PAX1: variants seen among roughly 807,000 people sequenced by gnomAD.
The protein encoded by PAX1 is paired box 1, also known as paired box protein Pax-1.
PAX1 carries 18 observed loss-of-function variants against 35.6 expected under a neutral mutation model. That is an observed-to-expected ratio of 0.50 (90% CI 0.35 to 0.75). The LOEUF (loss-of-function observed/expected upper bound fraction) is 0.75, where lower values mean the gene tolerates loss of function less well. Among genes scored for constraint, PAX1 ranks in the 30% least tolerant of loss-of-function variants. PAX1 has a pLI of 0.01. For missense variants in PAX1, 760 were observed against 661.5 expected (o/e 1.15, Z -1.63); for synonymous variants, 397 against 305.2 (o/e 1.30, Z -3.14).
Position 21,711,931 on chromosome 20 carries a change from C to A in PAX1, c.1282+2487C>A, listed in dbSNP as rs1985209625. Among the ~76,000 whole-genome samples the A allele has an allele frequency of 1.3e-5, 2 of 152,034 alleles. 1 individual carries two copies. The highest frequency in any genetic ancestry group is 4.1e-4 in the South Asian group (2 of 4,824). Reference sequence around the variant, plus strand: ...ATTAATATCTTCAAAGAAACCTGTCCCAGAGGACAATTTACTATCAGCAAT... The same window carrying A: ...ATTAATATCTTCAAAGAAACCTGTCACAGAGGACAATTTACTATCAGCAAT... On this transcript the variant is annotated intron_variant, in intron 4 of 4. Coordinates refer to ENST00000613128, the MANE Select transcript of PAX1 (RefSeq NM_001257096.2).
intron 4 of PAX1, among the ~76,000 whole-genome samples, chr20:21,710,485 G>A (rs563273768): frequency 6.6e-6 from 1 of 152,314 alleles, no homozygotes; most frequent in Non-Finnish European, 1.5e-5. Flanking sequence ...ACAAACCTGG[G>A]GGACAGCGTG....
chr20:21,710,686 G>T (rs1286301118), intron 4 of PAX1, among the ~76,000 whole-genome samples: 1 of 151,634 alleles, frequency 6.6e-6, no homozygotes, highest in East Asian at 1.9e-4. Context: ...CATGCCCTGG[G>T]GAGTGGGGGT....
chr20:21,712,366 G>A (rs1319194327), intron 4 of PAX1, among the ~76,000 whole-genome samples: 1 of 152,050 alleles, frequency 6.6e-6, no homozygotes, highest in Admixed American at 6.5e-5. Context: ...TTAATTTTTG[G>A]GAATTGAGAA....
At chr20:21,713,621 G>A (rs781087124) in intron 4 of PAX1, among the ~76,000 whole-genome samples, 2 of 152,184 alleles carry the variant, frequency 1.3e-5, no homozygotes, top group Non-Finnish European at 2.9e-5. Context: ...GGATCCTAGT[G>A]TAGGAGAAGC....
At chr20:21,711,821 CT>C (rs1267712412) in intron 4 of PAX1, among the ~76,000 whole-genome samples, 2 of 152,178 alleles carry the variant, frequency 1.3e-5, no homozygotes, top group African/African-American at 4.8e-5. Context: ...CTTCAAAGAT[CT>C]ATTCCCTCAA....
intron 3 of PAX1, 73 bp from the exon 4 acceptor site, chr20:21,709,149 C>CG: frequency 8.6e-7 from 1 of 1,161,234 alleles, no homozygotes; most frequent in Non-Finnish European, 1.3e-6. Flanking sequence ...GACGAAAACC[C>CG]CCGTCTCAGT....
Position 21,705,765 on chromosome 20 carries a change from G to A in PAX1, c.53G>A (p.Gly18Glu). The change falls in exon 1 of 5, where the codon GGG becomes GAG. Residue 18 changes from glycine to glutamate, a missense_variant. Physicochemically the swap from Gly to Glu is moderately conservative, Grantham distance 98. Coordinates refer to ENST00000613128, the MANE Select transcript of PAX1 (RefSeq NM_001257096.2). ...GSRAWRVSWEGAAAAAAGPGA... is the reference protein window; with the variant it reads ...GSRAWRVSWEEAAAAAAGPGA... Reference sequence around the variant, plus strand: ...CGGGCGTGGAGAGTGTCCTGGGAGGGGGCAGCAGCGGCGGCGGCAGGCCCT... The same window carrying A: ...CGGGCGTGGAGAGTGTCCTGGGAGGAGGCAGCAGCGGCGGCGGCAGGCCCT... The A allele has an allele frequency of 4.0e-6, 5 of 1,263,414 alleles. No homozygotes were observed. The highest frequency in any genetic ancestry group is 5.0e-6 in the Non-Finnish European group (5 of 1,003,540). The allele number at this position is 1,263,414 out of a possible 1,614,324, so 78.3% of individuals were successfully genotyped here.
chr20:21,706,280 C>A lies in PAX1; in HGVS notation c.287-158C>A. ...CGCCCTTGCCCACTCCAAGCCAGAC[C>A]CAGGCGGTTTGCCCTTGGACTCCGA... is the stretch of plus-strand genomic sequence containing the variant. On this transcript the variant is annotated intron_variant, in intron 1 of 4. Transcript: ENST00000613128. The surrounding 1 kb of genome is among the most constrained non-coding windows in gnomAD (Gnocchi z 5.3). 1 of 1,007,466 alleles carries A rather than the reference C, an allele frequency of 9.9e-7. No homozygotes were observed. Among genetic ancestry groups the A allele is most frequent in the African/African-American group, 1.6e-5 (1 of 63,052 alleles). The allele number at this position is 1,007,466 out of a possible 1,614,324, so 62.4% of individuals were successfully genotyped here.
chr20:21,708,449 T>G, intron 2 of PAX1, 109 bp from the exon 3 acceptor site: 1 of 1,313,000 alleles, frequency 7.6e-7, no homozygotes, highest in South Asian at 1.2e-5. Flanking sequence ...CACCTACAAA[T>G]TTTGTGGGAC....
rs1294317946 is a variant in PAX1 at position 21,714,467 on chromosome 20, G to T, written c.1283-4G>T. On this transcript the variant is annotated splice_polypyrimidine_tract_variant and splice_region_variant and intron_variant, in intron 4 of 4. Transcript: ENST00000613128. ...ATCCGACGCCTCTGTGCTTCCTCCC[G>T]CAGTGGCTGACAGGAAGCCTCCCAG... is the stretch of plus-strand genomic sequence containing the variant. 1.9e-6 allele frequency: 3 copies of T among 1,564,370 alleles called. No homozygotes were observed. The highest frequency in any genetic ancestry group is 3.7e-5 in the Admixed American group (2 of 53,970).
In PAX1 at chr20:21,709,298, A is replaced by C. The variant is rs1985118233; in HGVS notation, c.1136A>C (p.Tyr379Ser). ...AYPASNQHGV[Y>S]SAPGGGYLAP... The stretch of plus-strand genomic sequence containing the variant: ...CCGGCCTCCAACCAGCACGGCGTGT[A>C]CAGCGCCCCGGGCGGCGGCTACCTC... The change falls in exon 4 of 5, where the codon TAC becomes TCC. Residue 379 changes from tyrosine to serine, a missense_variant. Around this residue, in one of 3 missense-constraint regions of PAX1, gnomAD observed 490 missense variants for 428.4 expected, o/e 1.14. Transcript: ENST00000613128. 6.2e-7 allele frequency: 1 copy of C among 1,603,010 alleles called. No individual in the cohort carries two copies.
At position 21,715,375 on chromosome 20, in the gene PAX1, A is replaced by G. The variant is rs1297768856; in HGVS notation, c.*813A>G. The G allele has an allele frequency of 6.5e-6, 1 of 153,532 alleles. No homozygotes were observed. Among genetic ancestry groups the G allele is most frequent in the Non-Finnish European group, 1.4e-5 (1 of 69,194 alleles). 9.5% of individuals were successfully genotyped at this position (153,532 alleles called of 1,614,324 possible). On this transcript the variant is annotated 3_prime_UTR_variant, in exon 5 of 5. Coordinates refer to ENST00000613128, the MANE Select transcript of PAX1 (RefSeq NM_001257096.2). ...AGCCTTTATTTTGTATTTTTTTTGT[A>G]ATAACAAACCCTAAAAAACCCTCCA...
intron 2 of PAX1, 168 bp from the exon 3 acceptor site, chr20:21,708,390 G>A (rs1985083479): frequency 3.7e-6 from 3 of 816,920 alleles, no homozygotes; most frequent in African/African-American, 1.7e-5. Flanking sequence ...CGCCCCACCC[G>A]GAGTGGTGAA....
chr20:21,706,941 G>A lies in PAX1; in HGVS notation c.790G>A (p.Gly264Ser), dbSNP rs760196253. The change falls in exon 2 of 5, where the codon GGC becomes AGC. Residue 264 changes from glycine to serine, a missense_variant. Gly to Ser is a moderately conservative substitution (Grantham distance 56). Coordinates refer to ENST00000613128, the MANE Select transcript of PAX1 (RefSeq NM_001257096.2). This position sits in a 1 kb window ranked among gnomAD's most constrained non-coding sequence, Gnocchi z 5.3. ...CTACCCCAGTCCCGTGTCGCCCACG[G>A]GCGCCAAGATGGGCAGCCACCCCGG... ...YPYPSPVSPT[G>S]AKMGSHPGVP... 1 of 1,612,506 alleles carries A rather than the reference G, an allele frequency of 6.2e-7. No homozygotes were observed. The highest frequency in any genetic ancestry group is 1.7e-5 in the Admixed American group (1 of 59,988).
chr20:21,712,040 A>G (rs1350286928), intron 4 of PAX1, among the ~76,000 whole-genome samples: 1 of 152,202 alleles, frequency 6.6e-6, no homozygotes, highest in Non-Finnish European at 1.5e-5. Context: ...ATGAAAAGCA[A>G]TTTAATACAA....
Position 21,717,875 on chromosome 20 carries a change from A to C in PAX1, c.*3313A>C, listed in dbSNP as rs1296703082. On this transcript the variant is annotated 3_prime_UTR_variant, in exon 5 of 5. Transcript: ENST00000613128. The stretch of plus-strand genomic sequence containing the variant: ...TCTTCCTGCTCTCATTTTTGTTCTT[A>C]AAGGTGAATGCTGTTATAGTCTTTT... The C allele has an allele frequency of 6.6e-6, 1 of 152,198 alleles. No homozygotes were observed. 9.4% of individuals were successfully genotyped at this position (152,198 alleles called of 1,614,324 possible).
rs761345173 is a variant in PAX1, at chr20:21,709,380, C to T, written c.1218C>T (p.Ala406=). ...GTCCTCCTCTGGCGCCCCCCGGGGCCGGCGTAGCTGTGCATGGCGGGGAAC... is the reference window on the plus strand; with the variant it reads ...GTCCTCCTCTGGCGCCCCCCGGGGCTGGCGTAGCTGTGCATGGCGGGGAAC... ...AQGPPLAPPG[A]GVAVHGGELA... is the part of the protein sequence containing the mutation. Residue 406 remains alanine (A), a synonymous_variant, in exon 4 of 5, where the codon GCC becomes GCT. Transcript: ENST00000613128. The T allele has an allele frequency of 4.5e-6, 7 of 1,564,342 alleles. No homozygotes were observed. The highest frequency in any genetic ancestry group is 5.2e-6 in the Non-Finnish European group (6 of 1,159,094).
At position 21,706,718 on chromosome 20, in the gene PAX1, T is replaced by C; in HGVS notation, c.567T>C (p.Pro189=). 1 of 1,613,642 alleles carries C rather than the reference T, an allele frequency of 6.2e-7. No individual in the cohort carries two copies. The highest frequency in any genetic ancestry group is 8.5e-7 in the Non-Finnish European group (1 of 1,180,034). The stretch of plus-strand genomic sequence containing the variant: ...TCCGGGACTACAAGCAAGGAGACCC[T>C]GGCATCTTTGCCTGGGAGATCCGCG... ...KHIRDYKQGD[P]GIFAWEIRDR... Residue 189 remains proline (P), a synonymous_variant, in exon 2 of 5, where the codon CCT becomes CCC. Coordinates refer to ENST00000613128, the MANE Select transcript of PAX1 (RefSeq NM_001257096.2). The surrounding 1 kb of genome is among the most constrained non-coding windows in gnomAD (Gnocchi z 5.3).
rs138311826 is a variant in PAX1 at position 21,711,139 on chromosome 20, G to C, written c.1282+1695G>C. Among the ~76,000 whole-genome samples, 278 of 152,274 alleles carry C rather than the reference G, an allele frequency of 1.8e-3. 1 individual carries two copies. Among genetic ancestry groups the C allele is most frequent in the African/African-American group, 6.5e-3 (271 of 41,556 alleles). ...TTACACAAATCACTTAAATAAGCAG[G>C]TTCTTTTGAATTAAAAATGTATAAC... On this transcript the variant is annotated intron_variant, in intron 4 of 4. Transcript: ENST00000613128.
Sources: allele counts gnomAD v4.1 joint callset (sites outside exome capture counted in the v4.1 genomes callset), GRCh38; gene constraint gnomAD v4.1.1; regional missense constraint gnomAD v4.1.1; non-coding constraint Gnocchi (gnomAD v3.1); transcripts MANE v1.5; gene names NCBI Gene and HGNC (gene_info 2026-07-23, HGNC 2026-07-21).